TOX2: variants seen among roughly 807,000 people sequenced by gnomAD.
TOX2 encodes granulosa cell HMG box 1.
Under a neutral mutation model 47.4 loss-of-function variants are expected in TOX2, and 15 were observed. That is an observed-to-expected ratio of 0.32 (90% CI 0.21 to 0.49). The LOEUF is 0.49. TOX2 is among the 20% of genes least tolerant of loss of function. The probability of loss-of-function intolerance (pLI) is 0.99; values close to 1 mark genes in which losing one functional copy is unlikely to be tolerated. For synonymous variants in TOX2, 290 were observed against 296.6 expected (o/e 0.98, Z 0.23); for missense variants, 622 against 673.1 (o/e 0.92, Z 0.84).
chr20:44,051,554 G>A lies in TOX2; in HGVS notation c.651+9G>A, dbSNP rs201350793. The A allele has an allele frequency of 1.7e-5, 27 of 1,569,384 alleles. No homozygotes were observed. The highest frequency in any genetic ancestry group is 2.2e-4 in the Middle Eastern group (1 of 4,508). On this transcript the variant is annotated intron_variant, in intron 4 of 8. Transcript: ENST00000341197. ...CGGAAGTGCATTTCAAGGTATGTGC[G>A]GTGGAGGAACAGAGCCTGAAGCTGC... is the stretch of plus-strand genomic sequence containing the variant.
chr20:43,945,408 C>T (rs2069451268), intron 1 of TOX2, among the ~76,000 whole-genome samples: 1 of 152,232 alleles, frequency 6.6e-6, no homozygotes, highest in African/African-American at 2.4e-5. Context: ...CGACATTTAG[C>T]TGTCTCTAAT....
At chr20:44,045,215 A>G (rs1165646163) in intron 3 of TOX2, among the ~76,000 whole-genome samples, 4 of 152,198 alleles carry the variant, frequency 2.6e-5, no homozygotes, top group Non-Finnish European at 5.9e-5. Context: ...TGGCGTGAAC[A>G]TATTTAATGC....
At chr20:43,929,834 C>T (rs1355084133) in intron 1 of TOX2, among the ~76,000 whole-genome samples, 3 of 152,114 alleles carry the variant, frequency 2.0e-5, no homozygotes, top group African/African-American at 4.8e-5. Context: ...CTCAGCCTCC[C>T]GAGTAGCTGG....
intron 1 of TOX2, among the ~76,000 whole-genome samples, chr20:43,930,644 C>T (rs1569006733): frequency 6.6e-6 from 1 of 152,106 alleles, no homozygotes; most frequent in Non-Finnish European, 1.5e-5. Context: ...TTGGCCTGGC[C>T]TTCGGAGATA....
At chr20:44,004,242 G>A (rs963040611) in intron 2 of TOX2, among the ~76,000 whole-genome samples, 11 of 152,176 alleles carry the variant, frequency 7.2e-5, no homozygotes, top group African/African-American at 2.7e-4. Flanking sequence ...ACTGGGCATC[G>A]AGAGGCTCCG....
intron 5 of TOX2, among the ~76,000 whole-genome samples, chr20:44,056,784 C>T (rs1372436929): frequency 2.0e-5 from 3 of 152,046 alleles, no homozygotes; most frequent in Non-Finnish European, 1.5e-5. Context: ...AACTGCCAAG[C>T]TTACTATTTA....
At chr20:43,977,326 G>C (rs2070098880) in intron 2 of TOX2, among the ~76,000 whole-genome samples, 1 of 152,182 alleles carries the variant, frequency 6.6e-6, no homozygotes, top group South Asian at 2.1e-4. Flanking sequence ...GGCCAGGCTG[G>C]TCTTGAACTC....
chr20:44,054,221 G>C (rs2071577156), intron 4 of TOX2, 78 bp from the exon 5 acceptor site: 3 of 1,456,886 alleles, frequency 2.1e-6, no homozygotes, highest in Admixed American at 2.0e-5. Context: ...AGTGCAGCTC[G>C]GCCCAAGTCT....
At chr20:43,933,715 G>A (rs1257505502) in intron 1 of TOX2, among the ~76,000 whole-genome samples, 1 of 152,162 alleles carries the variant, frequency 6.6e-6, no homozygotes, top group East Asian at 1.9e-4. Context: ...CATTGGCCAT[G>A]GGCTGCCCAG....
intron 1 of TOX2, among the ~76,000 whole-genome samples, chr20:43,961,466 G>A (rs1569037601): frequency 1.3e-5 from 2 of 152,190 alleles, no homozygotes; most frequent in Admixed American, 6.5e-5. Flanking sequence ...GACTTGGGGA[G>A]AGCCACGCAG....
At chr20:44,027,789 G>T (rs1358142733) in intron 3 of TOX2, among the ~76,000 whole-genome samples, 1 of 152,224 alleles carries the variant, frequency 6.6e-6, no homozygotes. Flanking sequence ...GGGCCAGTGG[G>T]GAGCAGGACA....
chr20:43,932,774 G>GC (rs201585312), intron 1 of TOX2, among the ~76,000 whole-genome samples: 295 of 144,144 alleles, frequency 2.0e-3, no homozygotes, highest in Middle Eastern at 0.01. Context: ...AGGGGTTGCT[G>GC]CCCCCCCCCG....
chr20:44,035,623 G>C (rs762656633), intron 3 of TOX2, among the ~76,000 whole-genome samples: 30 of 152,210 alleles, frequency 2.0e-4, no homozygotes, highest in Non-Finnish European at 3.8e-4. Context: ...ACTCAACAAG[G>C]GTTGCTGAAG....
At position 43,916,063 on chromosome 20, in the gene TOX2, C is replaced by A; in HGVS notation, c.99+1073C>A. 2.1e-6 allele frequency: 2 copies of A among 948,470 alleles called. No homozygotes were observed. The highest frequency in any genetic ancestry group is 2.5e-6 in the Non-Finnish European group (2 of 796,286). The allele number at this position is 948,470 out of a possible 1,614,324, so 58.8% of individuals were successfully genotyped here. ...TTTCAAACTTAGTTAGGAAGCCAGACTGTCCGCGCGTCCGCCAGTCGGTGC... is the reference window on the plus strand; with the variant it reads ...TTTCAAACTTAGTTAGGAAGCCAGAATGTCCGCGCGTCCGCCAGTCGGTGC... On this transcript the variant is annotated intron_variant, in intron 1 of 8. Coordinates refer to ENST00000341197, the MANE Select transcript of TOX2 (RefSeq NM_001098797.2). This position sits in a 1 kb window ranked among gnomAD's most constrained non-coding sequence, Gnocchi z 5.0.
At chr20:44,035,064 C>T (rs1165187609) in intron 3 of TOX2, among the ~76,000 whole-genome samples, 2 of 152,248 alleles carry the variant, frequency 1.3e-5, no homozygotes, top group African/African-American at 2.4e-5. Context: ...CAATCTTCCT[C>T]AGTGCCTCTC....
chr20:44,012,799 T>C (rs914162634), intron 3 of TOX2, among the ~76,000 whole-genome samples: 3 of 152,244 alleles, frequency 2.0e-5, no homozygotes, highest in African/African-American at 7.2e-5. Context: ...GTCACACATA[T>C]CACTGGCCTA....
At chr20:43,935,078 C>G (rs2069307461) in intron 1 of TOX2, among the ~76,000 whole-genome samples, 1 of 152,172 alleles carries the variant, frequency 6.6e-6, no homozygotes, top group Admixed American at 6.5e-5. Context: ...CAGCCCCATT[C>G]TGTGCACTGG....
rs2069191581 is a variant in TOX2 at position 43,927,647 on chromosome 20, TC to T, written c.99+12660del. 7.4e-5 allele frequency among the ~76,000 whole-genome samples: 7 copies of T among 94,246 alleles called. 1 individual carries two copies. The highest frequency in any genetic ancestry group is 1.7e-4 in the African/African-American group (3 of 17,906). The allele number at this position is 94,246 out of a possible 152,430, so 61.8% of individuals were successfully genotyped here. On this transcript the variant is annotated intron_variant, in intron 1 of 8. Transcript: ENST00000341197. ...TTCCTCCTTCCTTCCTTCCTCCCCT[TC>T]CCTTCCCTTCCCCTTCCTTCCTTCC...
At chr20:43,929,360 G>A (rs892177219) in intron 1 of TOX2, among the ~76,000 whole-genome samples, 33 of 152,132 alleles carry the variant, frequency 2.2e-4, no homozygotes, top group Admixed American at 2.1e-3. Context: ...ACGTGAGCTT[G>A]CCTCTGCCTG....
Sources: allele counts gnomAD v4.1 joint callset (sites outside exome capture counted in the v4.1 genomes callset), GRCh38; gene constraint gnomAD v4.1.1; non-coding constraint Gnocchi (gnomAD v3.1); transcripts MANE v1.5; gene names NCBI Gene and HGNC (gene_info 2026-07-23, HGNC 2026-07-21).